Variants in COL6A6 observed in about 807,000 individuals in gnomAD.
COL6A6 encodes the protein collagen alpha-6(VI) chain.
A neutral mutation model predicts 208.6 loss-of-function variants in COL6A6; 183 were observed. The ratio of observed to expected loss-of-function variants is 0.88; its 90% confidence interval spans 0.78 to 0.99. The LOEUF (loss-of-function observed/expected upper bound fraction) is 0.99, where lower values mean the gene tolerates loss of function less well. Among genes scored for constraint, COL6A6 ranks in the 50% least tolerant of loss-of-function variants. The pLI is 0.00. For missense variants in COL6A6, 2,816 were observed against 2,815.2 expected (o/e 1.00, Z -0.01); for synonymous variants, 973 against 1,011.8 (o/e 0.96, Z 0.73).
At chr3:130,534,580 A>AT (rs1195207192) in intron 1 of COL6A6, among the ~76,000 whole-genome samples, 12 of 152,084 alleles carry the variant, frequency 7.9e-5, no homozygotes, top group African/African-American at 1.9e-4. Flanking sequence ...ATTGTGTGTG[A>AT]TTTTATCAGA....
Position 130,574,313 on chromosome 3 carries a change from G to C in COL6A6, c.3335G>C (p.Gly1112Ala). 1 of 1,613,982 alleles carries C rather than the reference G, an allele frequency of 6.2e-7. No individual in the cohort carries two copies. Among genetic ancestry groups the C allele is most frequent in the Non-Finnish European group, 8.5e-7 (1 of 1,179,888 alleles). ...CAGGTGCTGCTGGTCCTTACAGATG[G>C]CCAGTCCCAAGACGAGGTGGCCCAG... ...TPQVLLVLTD[G>A]QSQDEVAQAA... Residue 1112 changes from glycine (G) to alanine (A), a missense_variant, in exon 8 of 37, where the codon GGC becomes GCC. Physicochemically the swap from Gly to Ala is moderately conservative, Grantham distance 60 (BLOSUM62 0). Coordinates refer to ENST00000358511, the MANE Select transcript of COL6A6 (RefSeq NM_001102608.3).
At chr3:130,635,802 T>C in intron 28 of COL6A6, 41 bp downstream of exon 28, 1 of 1,390,736 alleles carries the variant, frequency 7.2e-7, no homozygotes, top group South Asian at 1.2e-5. Flanking sequence ...CCTCACTACA[T>C]TGGGAAGTCC....
intron 1 of COL6A6, among the ~76,000 whole-genome samples, chr3:130,522,866 C>T (rs913149685): frequency 1.3e-4 from 20 of 151,570 alleles, no homozygotes; most frequent in African/African-American, 4.9e-4. Flanking sequence ...ACTGCATTTC[C>T]AAAACACCGT....
At chr3:130,599,943 C>G in intron 20 of COL6A6, 133 bp downstream of exon 20, 1 of 792,772 alleles carries the variant, frequency 1.3e-6, no homozygotes, top group Non-Finnish European at 2.1e-6. Flanking sequence ...CTTATGACAT[C>G]TCGCAGACCA....
intron 1 of COL6A6, among the ~76,000 whole-genome samples, chr3:130,532,059 G>C (rs921117121): frequency 6.6e-6 from 1 of 152,072 alleles, no homozygotes; most frequent in Non-Finnish European, 1.5e-5. Context: ...TTTGCATTTT[G>C]CTTTAATTTT....
chr3:130,583,440 T>C (rs1419476538), intron 10 of COL6A6, among the ~76,000 whole-genome samples: 1 of 152,202 alleles, frequency 6.6e-6, no homozygotes, highest in African/African-American at 2.4e-5. Context: ...GGAAAAGGTA[T>C]TTCTCTTGCA....
chr3:130,608,187 A>G (rs1471582245), intron 21 of COL6A6, among the ~76,000 whole-genome samples: 1 of 152,234 alleles, frequency 6.6e-6, no homozygotes, highest in Non-Finnish European at 1.5e-5. Context: ...ATGCATTCAG[A>G]CTACAGCACA....
At chr3:130,589,367 T>A (rs1372258518) in intron 12 of COL6A6, among the ~76,000 whole-genome samples, 185 bp downstream of exon 12, 1 of 152,216 alleles carries the variant, frequency 6.6e-6, no homozygotes, top group Non-Finnish European at 1.5e-5. Flanking sequence ...AATTGGAGTC[T>A]TTTTTAAAAG....
At chr3:130,674,464 T>G (rs1290347744) in intron 36 of COL6A6, among the ~76,000 whole-genome samples, 2 of 152,218 alleles carry the variant, frequency 1.3e-5, no homozygotes, top group African/African-American at 4.8e-5. Flanking sequence ...ACTGTTGGGT[T>G]ACTCATGATT....
chr3:130,610,469 C>G (rs1216682902), intron 22 of COL6A6, among the ~76,000 whole-genome samples, 180 bp from the exon 23 acceptor site: 2 of 152,160 alleles, frequency 1.3e-5, no homozygotes, highest in Non-Finnish European at 2.9e-5. Flanking sequence ...ATTGGACATT[C>G]ATATTCCTGC....
At chr3:130,659,305 G>T (rs773408131) in intron 34 of COL6A6, among the ~76,000 whole-genome samples, 1 of 152,140 alleles carries the variant, frequency 6.6e-6, no homozygotes, top group Non-Finnish European at 1.5e-5. Context: ...TGTTTTATAC[G>T]TAATGTATAG....
At chr3:130,595,075 C>A (rs1262258027) in intron 18 of COL6A6, among the ~76,000 whole-genome samples, 1 of 152,100 alleles carries the variant, frequency 6.6e-6, no homozygotes, top group East Asian at 1.9e-4. Context: ...GAATATCAGT[C>A]TCATTTCCTG....
chr3:130,539,627 C>T (rs985573832), intron 1 of COL6A6, among the ~76,000 whole-genome samples: 6 of 89,706 alleles, frequency 6.7e-5, no homozygotes, highest in Non-Finnish European at 1.7e-4. Context: ...AGCGAGACTC[C>T]GTCTCAAAAA....
intron 24 of COL6A6, among the ~76,000 whole-genome samples, chr3:130,624,661 G>A (rs896275505): frequency 1.3e-5 from 2 of 152,144 alleles, no homozygotes; most frequent in Admixed American, 1.3e-4. Flanking sequence ...GATAGAGGTG[G>A]CCGTGGGGAA....
Position 130,574,472 on chromosome 3 carries a change from A to G in COL6A6, c.3494A>G (p.Lys1165Arg), listed in dbSNP as rs372843729. The change falls in exon 8 of 37, where the codon AAG becomes AGG. Residue 1165 changes from lysine to arginine, a missense_variant. By Grantham distance (26) the Lys-to-Arg change is conservative. Coordinates refer to ENST00000358511, the MANE Select transcript of COL6A6 (RefSeq NM_001102608.3). ...ACAGTGCACAACTTCGATGAACTGA[A>G]GAAGGTCAATAAAAGGATCGTTCGC... Reference protein sequence around the residue: ...KLTVHNFDELKKVNKRIVRNI... With the variant: ...KLTVHNFDELRKVNKRIVRNI... 3.1e-6 allele frequency: 5 copies of G among 1,614,056 alleles called. No individual in the cohort carries two copies. Among genetic ancestry groups the G allele is most frequent in the South Asian group, 1.1e-5 (1 of 91,088 alleles).
chr3:130,640,358 GT>G (rs11291320), intron 28 of COL6A6, among the ~76,000 whole-genome samples: 26,779 of 151,810 alleles, frequency 0.18, 2,922 homozygotes, highest in African/African-American at 0.3. Flanking sequence ...CCCCACCATT[GT>G]TTTTTGCCTT....
intron 4 of COL6A6, 51 bp from the exon 5 acceptor site, chr3:130,566,648 TTTC>T: frequency 6.9e-7 from 1 of 1,439,852 alleles, no homozygotes; most frequent in Non-Finnish European, 9.3e-7. Context: ...TGTGCTCTCA[TTTC>T]TTCTTCATGC....
Position 130,649,214 on chromosome 3 carries a change from C to T in COL6A6, c.5385C>T (p.Pro1795=), listed in dbSNP as rs1176535234. ...TTAAGGTCCGGGAGAACAGCTGCCC[C>T]GTGGGAGCGCACATCGCCATCCTCT... ...RDIKVRENSC[P]VGAHIAILSY... The change falls in exon 33 of 37, where the codon CCC becomes CCT. Residue 1795 remains proline, a synonymous_variant. Transcript: ENST00000358511. 6.9e-6 allele frequency: 11 copies of T among 1,591,526 alleles called. No individual in the cohort carries two copies. Among genetic ancestry groups the T allele is most frequent in the Middle Eastern group, 1.7e-4 (1 of 6,052 alleles).
At chr3:130,545,300 G>T (rs917535542) in intron 1 of COL6A6, among the ~76,000 whole-genome samples, 2 of 152,032 alleles carry the variant, frequency 1.3e-5, no homozygotes, top group African/African-American at 4.8e-5. Flanking sequence ...ATTGTGTCTT[G>T]GTTCTCTCTA....
Sources: gnomAD v4.1 joint callset for allele counts (sites outside exome capture counted in the v4.1 genomes callset) on GRCh38, gnomAD v4.1.1 for gene constraint, MANE v1.5 for transcripts, NCBI Gene and HGNC (gene_info 2026-07-23, HGNC 2026-07-21) for gene names.